Variants in ATOSA observed in about 807,000 individuals in gnomAD.
The protein encoded by ATOSA is atos homolog protein A.
the ATOSA span, chr15:52,629,618 A>G: frequency 2.5e-6 from 1 of 404,386 alleles, no homozygotes; most frequent in Non-Finnish European, 5.0e-6. Flanking sequence ...CCTGGCCAAC[A>G]TGGTGAAATC....
chr15:52,592,047 A>G, the ATOSA span, among the ~76,000 whole-genome samples: 17 of 152,196 alleles, frequency 1.1e-4, no homozygotes, highest in African/African-American at 3.9e-4. Flanking sequence ...GCTTTCCTTG[A>G]AGAAACTGGG....
At chr15:52,614,507 A>AACTCATTATTCAGAGATATCT in the ATOSA span, among the ~76,000 whole-genome samples, 1 of 152,246 alleles carries the variant, frequency 6.6e-6, no homozygotes, top group African/African-American at 2.4e-5. Flanking sequence ...AGACAAAAAC[A>AACTCATTATTCAGAGATATCT]ACTCATTATT....
the ATOSA span, among the ~76,000 whole-genome samples, chr15:52,591,883 G>A: frequency 6.6e-6 from 1 of 152,132 alleles, no homozygotes; most frequent in South Asian, 2.1e-4. Flanking sequence ...AATAACCTAT[G>A]CTGGGCATCT....
the ATOSA span, among the ~76,000 whole-genome samples, chr15:52,641,207 A>G: frequency 6.6e-6 from 1 of 152,248 alleles, no homozygotes; most frequent in Non-Finnish European, 1.5e-5. Context: ...ATCAAAATGT[A>G]TGTTTAATAA....
At chr15:52,627,495 TAA>T in the ATOSA span, among the ~76,000 whole-genome samples, 1 of 152,084 alleles carries the variant, frequency 6.6e-6, no homozygotes. Context: ...AAAGCAGGCA[TAA>T]AAGTGTAGTG....
the ATOSA span, among the ~76,000 whole-genome samples, chr15:52,630,216 A>G: frequency 6.6e-6 from 1 of 152,216 alleles, no homozygotes; most frequent in Non-Finnish European, 1.5e-5. Context: ...CTAATGTTCT[A>G]CAACTTTGTT....
the ATOSA span, among the ~76,000 whole-genome samples, chr15:52,643,820 G>A: frequency 6.6e-6 from 1 of 151,856 alleles, no homozygotes; most frequent in East Asian, 1.9e-4. Flanking sequence ...GGCTGAGGCG[G>A]GAGAATCACT....
the ATOSA span, among the ~76,000 whole-genome samples, chr15:52,702,772 G>A: frequency 1.9e-5 from 2 of 107,246 alleles, no homozygotes; most frequent in African/African-American, 3.7e-5. Context: ...GAAAAAAAAA[G>A]TGTTTCCAAA....
chr15:52,667,013 C>T, the ATOSA span, among the ~76,000 whole-genome samples: 30 of 151,870 alleles, frequency 2.0e-4, no homozygotes, highest in Non-Finnish European at 3.2e-4. Context: ...ATAAAGGCCC[C>T]AAAGTGTCAA....
chr15:52,625,714 C>T, the ATOSA span, among the ~76,000 whole-genome samples: 41 of 152,064 alleles, frequency 2.7e-4, 1 homozygote, highest in African/African-American at 9.2e-4. Context: ...AAAAAAGTTA[C>T]GTTTTTATAG....
chr15:52,709,051 T>A, the ATOSA span, among the ~76,000 whole-genome samples: 1 of 152,134 alleles, frequency 6.6e-6, no homozygotes, highest in South Asian at 2.1e-4. Context: ...GAGTACTCCC[T>A]GTCTGCAAGT....
the ATOSA span, among the ~76,000 whole-genome samples, chr15:52,687,353 C>A: frequency 1.3e-5 from 2 of 152,290 alleles, no homozygotes; most frequent in Admixed American, 1.3e-4. Context: ...TGCAGCGAGC[C>A]GAGATCCAGC....
the ATOSA span, among the ~76,000 whole-genome samples, chr15:52,680,212 A>C: frequency 1.3e-5 from 2 of 152,140 alleles, no homozygotes; most frequent in African/African-American, 4.8e-5. Context: ...ATTTAAACAC[A>C]AACAGATGAC....
the ATOSA span, among the ~76,000 whole-genome samples, chr15:52,591,989 A>AGAGCTAAT: frequency 3.7e-4 from 57 of 152,220 alleles, no homozygotes; most frequent in Non-Finnish European, 7.5e-4. Context: ...AAAGTGTCAA[A>AGAGCTAAT]CACTAATCAA....
the ATOSA span, among the ~76,000 whole-genome samples, chr15:52,627,410 TTCA>T: frequency 6.6e-6 from 1 of 152,164 alleles, no homozygotes; most frequent in African/African-American, 2.4e-5. Flanking sequence ...GGTCTAAATA[TTCA>T]TCATTTTATT....
the ATOSA span, chr15:52,609,790 G>C: frequency 6.2e-7 from 1 of 1,613,174 alleles, no homozygotes; most frequent in Non-Finnish European, 8.5e-7. Flanking sequence ...GGCAATTCTT[G>C]CAATGATTTC....
chr15:52,623,040 T>A, the ATOSA span, among the ~76,000 whole-genome samples: 1 of 151,918 alleles, frequency 6.6e-6, no homozygotes, highest in Admixed American at 6.6e-5. Context: ...GTGCCTGTGG[T>A]TACAGCTACT....
chr15:52,620,152 A>C, the ATOSA span, among the ~76,000 whole-genome samples: 884 of 152,304 alleles, frequency 5.8e-3, 10 homozygotes, highest in African/African-American at 0.02. Context: ...GCCATTGGGA[A>C]AACTTTGAAC....
At chr15:52,609,290 T>C in the ATOSA span, 193 of 1,614,004 alleles carry the variant, frequency 1.2e-4, no homozygotes, top group African/African-American at 2.3e-3. Flanking sequence ...GTGTGAGAAA[T>C]GGAAACTGAG....
Sources: allele counts gnomAD v4.1 joint callset (sites outside exome capture counted in the v4.1 genomes callset), GRCh38; gene constraint gnomAD v4.1.1; transcripts MANE v1.5; gene names NCBI Gene and HGNC (gene_info 2026-07-23, HGNC 2026-07-21).